DOCK1: variants seen among roughly 807,000 people sequenced by gnomAD.
The protein encoded by DOCK1 is dedicator of cytokinesis 1, also known as dedicator of cytokinesis protein 1.
In DOCK1, 138 loss-of-function variants were observed where a neutral mutation model predicts 262.7. The observed-to-expected ratio is 0.53, with a 90% confidence interval of 0.46 to 0.61. DOCK1 has a LOEUF of 0.61. Among genes scored for constraint, DOCK1 ranks in the 20% least tolerant of loss-of-function variants. The probability of loss-of-function intolerance (pLI) is 0.00; values close to 1 mark genes in which losing one functional copy is unlikely to be tolerated. For missense variants in DOCK1, 1,908 were observed against 2,370.7 expected, an observed-to-expected ratio of 0.80 and a Z score of 4.05; for synonymous variants, 866 against 867.4, an observed-to-expected ratio of 1.00 and a Z score of 0.03.
intron 1 of DOCK1, among the ~76,000 whole-genome samples, chr10:126,929,262 A>G (rs1194014357): frequency 6.6e-6 from 1 of 152,150 alleles, no homozygotes; most frequent in Non-Finnish European, 1.5e-5. Flanking sequence ...TTTGGAATTT[A>G]CCTCACCCTC....
intron 38 of DOCK1, among the ~76,000 whole-genome samples, chr10:127,392,992 A>C (rs34445471): frequency 0.48 from 73,150 of 152,020 alleles, 17,984 homozygotes; most frequent in African/African-American, 0.52. Context: ...CAGTTTATTA[A>C]GTGACCGAAC....
intron 1 of DOCK1, among the ~76,000 whole-genome samples, chr10:126,949,369 G>A (rs1023666189): frequency 2.0e-5 from 3 of 152,090 alleles, no homozygotes; most frequent in Admixed American, 6.6e-5. Flanking sequence ...TGCAACCCAG[G>A]CAGGATTTCG....
chr10:126,948,926 T>A (rs2035898634), intron 1 of DOCK1, among the ~76,000 whole-genome samples: 1 of 152,092 alleles, frequency 6.6e-6, no homozygotes. Flanking sequence ...TGGAGCTGGT[T>A]GTATGCCTGG....
At chr10:127,197,147 A>AGG (rs993652816) in intron 27 of DOCK1, among the ~76,000 whole-genome samples, 10 of 152,194 alleles carry the variant, frequency 6.6e-5, no homozygotes, top group African/African-American at 2.4e-4. Context: ...GAGTGGCCTG[A>AGG]GGACTGAAGT....
At chr10:127,156,341 T>A (rs1309226805) in intron 27 of DOCK1, among the ~76,000 whole-genome samples, 5 of 152,104 alleles carry the variant, frequency 3.3e-5, no homozygotes, top group Non-Finnish European at 1.5e-5. Flanking sequence ...GTCACCTTGC[T>A]TGTATGCTGG....
In DOCK1 at chr10:127,439,117, CAAG is replaced by C; in HGVS notation, c.5158_5160del (p.Lys1720del). On this transcript the variant is annotated inframe_deletion, in exon 49 of 52. Coordinates refer to ENST00000623213, the MANE Select transcript of DOCK1 (RefSeq NM_001290223.2). ...ATGACCTGGAGAAGGAGAAGAAGGA[CAAG>C]AAGAAGGAAAAAAGGAACAGCAAAC... The C allele has an allele frequency of 3.1e-6, 5 of 1,588,408 alleles. No homozygotes were observed. The highest frequency in any genetic ancestry group is 4.3e-6 in the Non-Finnish European group (5 of 1,167,192).
At chr10:127,273,917 T>G (rs2060654835) in intron 29 of DOCK1, among the ~76,000 whole-genome samples, 2 of 152,086 alleles carry the variant, frequency 1.3e-5, no homozygotes, top group Non-Finnish European at 2.9e-5. Flanking sequence ...GCAGATGATT[T>G]GGATATGGGA....
intron 44 of DOCK1, among the ~76,000 whole-genome samples, chr10:127,417,200 A>G: frequency 6.6e-6 from 1 of 152,340 alleles, no homozygotes; most frequent in Non-Finnish European, 1.5e-5. Flanking sequence ...TGGAAGGAGC[A>G]AAGTTATTGC....
At chr10:127,377,928 A>T (rs1227884927) in intron 35 of DOCK1, among the ~76,000 whole-genome samples, 2 of 151,904 alleles carry the variant, frequency 1.3e-5, no homozygotes, top group African/African-American at 2.4e-5. Flanking sequence ...AAAATGAAAA[A>T]GTAAGAGACG....
intron 27 of DOCK1, among the ~76,000 whole-genome samples, chr10:127,235,094 T>C (rs1261246423): frequency 1.3e-5 from 2 of 149,824 alleles, no homozygotes; most frequent in Non-Finnish European, 3.0e-5. Flanking sequence ...TATAGAATAC[T>C]TTATATATGT....
chr10:127,373,996 G>C, intron 34 of DOCK1, 62 bp from the exon 35 acceptor site: 1 of 1,545,484 alleles, frequency 6.5e-7, no homozygotes, highest in South Asian at 1.2e-5. Flanking sequence ...AGTTAAAATT[G>C]CACCTCTGTT....
At chr10:127,358,765 A>G (rs1244217775) in intron 32 of DOCK1, among the ~76,000 whole-genome samples, 1 of 152,172 alleles carries the variant, frequency 6.6e-6, no homozygotes, top group Non-Finnish European at 1.5e-5. Context: ...GCTCTTGTGT[A>G]TACAGAGATT....
intron 47 of DOCK1, among the ~76,000 whole-genome samples, chr10:127,431,827 C>G (rs372208584): frequency 1.3e-5 from 2 of 152,300 alleles, no homozygotes; most frequent in East Asian, 3.9e-4. Flanking sequence ...AAAATACTTA[C>G]CTGGTCCTTT....
intron 29 of DOCK1, among the ~76,000 whole-genome samples, chr10:127,259,624 C>T (rs1028048090): frequency 1.3e-5 from 2 of 152,094 alleles, no homozygotes; most frequent in Admixed American, 1.3e-4. Flanking sequence ...GGTCTCCCAG[C>T]AGAGCAGCAC....
At chr10:126,951,682 G>C (rs1293053168) in intron 1 of DOCK1, among the ~76,000 whole-genome samples, 2 of 151,812 alleles carry the variant, frequency 1.3e-5, no homozygotes, top group Admixed American at 1.3e-4. Flanking sequence ...AGTAAGTATT[G>C]TTGTTGGTAT....
At chr10:127,139,833 G>A (rs59393011) in intron 27 of DOCK1, among the ~76,000 whole-genome samples, 2,248 of 152,164 alleles carry the variant, frequency 0.015, 62 homozygotes, top group African/African-American at 0.051. Flanking sequence ...GCCCATGAAC[G>A]AGCCTCCTAA....
intron 1 of DOCK1, among the ~76,000 whole-genome samples, chr10:126,946,552 G>C (rs2035422394): frequency 6.6e-6 from 1 of 152,030 alleles, no homozygotes; most frequent in Non-Finnish European, 1.5e-5. Context: ...TCTAAAAAAA[G>C]AAAAAGCTAA....
chr10:126,987,489 G>T lies in DOCK1; in HGVS notation c.228-32G>T. The T allele has an allele frequency of 2.6e-6, 4 of 1,543,132 alleles. No individual in the cohort carries two copies. In the South Asian group the frequency reaches 3.6e-5, roughly 14 times the overall value. ...ACTCATAGCAGGCAGTGAAACCGTG[G>T]ACTCAGCTGCTCTTTCCTTCTTTCC... On this transcript the variant is annotated intron_variant, in intron 4 of 51. Coordinates refer to ENST00000623213, the MANE Select transcript of DOCK1 (RefSeq NM_001290223.2).
At chr10:127,353,268 C>A (rs2063975721) in intron 31 of DOCK1, among the ~76,000 whole-genome samples, 1 of 152,204 alleles carries the variant, frequency 6.6e-6, no homozygotes, top group South Asian at 2.1e-4. Flanking sequence ...CTGCAGCCAA[C>A]TGCATCCTTT....
Sources: gnomAD v4.1 joint callset for allele counts (sites outside exome capture counted in the v4.1 genomes callset) on GRCh38, gnomAD v4.1.1 for gene constraint, MANE v1.5 for transcripts, NCBI Gene and HGNC (gene_info 2026-07-23, HGNC 2026-07-21) for gene names.